EHF: variants seen among roughly 807,000 people sequenced by gnomAD.
EHF encodes the protein ETS homologous factor.
EHF carries 14 observed loss-of-function variants against 45.1 expected under a neutral mutation model. That is an observed-to-expected ratio of 0.31 (90% CI 0.21 to 0.49). The LOEUF (loss-of-function observed/expected upper bound fraction) is 0.49. EHF is among the 20% of genes least tolerant of loss of function. The probability of loss-of-function intolerance (pLI) is 0.99; values close to 1 mark genes in which losing one functional copy is unlikely to be tolerated. For missense variants in EHF, 282 were observed against 371.4 expected (o/e 0.76, Z 1.98); for synonymous variants, 136 against 131.8 (o/e 1.03, Z -0.22).
intron 1 of EHF, chr11:34,642,425 C>A: frequency 2.0e-6 from 1 of 493,588 alleles, no homozygotes. Flanking sequence ...AAACTTGCCT[C>A]ATGCATATGA....
At chr11:34,642,515 G>A in intron 1 of EHF, 113 bp from the exon 2 acceptor site, 1 of 691,126 alleles carries the variant, frequency 1.4e-6, no homozygotes, top group African/African-American at 1.8e-5. Flanking sequence ...CAGGCAATGG[G>A]TGGAAGGACA....
intron 1 of EHF, among the ~76,000 whole-genome samples, chr11:34,630,401 T>A (rs1317460666): frequency 6.6e-6 from 1 of 152,232 alleles, no homozygotes; most frequent in East Asian, 1.9e-4. Flanking sequence ...ATTCATGTAA[T>A]GACTAGTTCT....
At chr11:34,632,814 C>A (rs149321956) in intron 1 of EHF, among the ~76,000 whole-genome samples, 2 of 151,972 alleles carry the variant, frequency 1.3e-5, no homozygotes, top group Non-Finnish European at 2.9e-5. Flanking sequence ...GGTAGGGCAG[C>A]GTCTATGTTT....
chr11:34,649,861 C>T (rs923622800), intron 4 of EHF, among the ~76,000 whole-genome samples: 9 of 152,208 alleles, frequency 5.9e-5, no homozygotes, highest in African/African-American at 2.2e-4. Context: ...GTCCCAGTCA[C>T]CAAGGACAGA....
intron 1 of EHF, among the ~76,000 whole-genome samples, chr11:34,625,890 G>T (rs1339976775): frequency 6.6e-6 from 1 of 151,566 alleles, no homozygotes; most frequent in Non-Finnish European, 1.5e-5. Context: ...TGTTTTTTTA[G>T]CATCTTAGTT....
At chr11:34,649,457 C>T (rs1168865920) in intron 4 of EHF, among the ~76,000 whole-genome samples, 1 of 152,140 alleles carries the variant, frequency 6.6e-6, no homozygotes. Context: ...AATGTCTCCT[C>T]TTCTCTCCCT....
chr11:34,660,350 T>C lies in EHF; in HGVS notation c.*1419T>C, dbSNP rs980782971. The C allele has an allele frequency of 5.9e-5, 9 of 152,286 alleles. No homozygotes were observed. Among genetic ancestry groups the C allele is most frequent in the South Asian group, 2.1e-4 (1 of 4,820 alleles). 9.4% of individuals were successfully genotyped at this position (152,286 alleles called of 1,614,324 possible). A position where few individuals can be genotyped will look rare whatever the true frequency, so the allele number is the denominator to read the frequency against. ...TTGCAGGTATTAATTCTTATAATTT[T>C]TTGTCTTTTGGATTATCTGTTTACT... is the stretch of plus-strand genomic sequence containing the variant. On this transcript the variant is annotated 3_prime_UTR_variant, in exon 9 of 9. Coordinates refer to ENST00000257831, the MANE Select transcript of EHF (RefSeq NM_012153.6).
intron 1 of EHF, among the ~76,000 whole-genome samples, chr11:34,627,475 A>G (rs1207644510): frequency 1.3e-5 from 2 of 152,068 alleles, no homozygotes; most frequent in Non-Finnish European, 2.9e-5. Context: ...ATTCTTGATC[A>G]TGTCTCCAGA....
chr11:34,658,678 A>G lies in EHF; in HGVS notation c.753A>G (p.Lys251=). ...AGGCAGTGGCTCAGCTATGGGGTAA[A>G]AAGAAGAACAACAGCAGCATGACCT... The part of the protein sequence containing the change: ...KSEAVAQLWG[K]KKNNSSMTYE... Residue 251 remains lysine, a synonymous_variant, in exon 8 of 9, where the codon AAA becomes AAG. Coordinates refer to ENST00000257831, the MANE Select transcript of EHF (RefSeq NM_012153.6). 3 of 1,613,776 alleles carry G rather than the reference A, an allele frequency of 1.9e-6. No homozygotes were observed. Among genetic ancestry groups the G allele is most frequent in the Non-Finnish European group, 2.5e-6 (3 of 1,179,786 alleles).
chr11:34,660,401 A>G lies in EHF; in HGVS notation c.*1470A>G, dbSNP rs1215247830. Reference sequence around the variant, plus strand: ...GTCTCATCTGAACTGATCCCAGGTGAACGGTTTATTGCCTAGATTTGTACT... The same window carrying G: ...GTCTCATCTGAACTGATCCCAGGTGGACGGTTTATTGCCTAGATTTGTACT... On this transcript the variant is annotated 3_prime_UTR_variant, in exon 9 of 9. Transcript: ENST00000257831. The G allele has an allele frequency of 6.6e-6, 1 of 152,120 alleles. No individual in the cohort carries two copies. The highest frequency in any genetic ancestry group is 2.4e-5 in the African/African-American group (1 of 41,428). 9.4% of individuals were successfully genotyped at this position (152,120 alleles called of 1,614,324 possible).
At position 34,662,845 on chromosome 11, in the gene EHF, G is replaced by A. The variant is rs1268132875; in HGVS notation, c.*3914G>A. On this transcript the variant is annotated 3_prime_UTR_variant, in exon 9 of 9. Transcript: ENST00000257831. ...ATAGATCTCGGTAGTTACGTATTGG[G>A]CAGATACTTACTGTATGAATGAAAG... 6.6e-6 allele frequency among the ~76,000 whole-genome samples: 1 copy of A among 152,014 alleles called. No individual in the cohort carries two copies. Among genetic ancestry groups the A allele is most frequent in the Admixed American group, 6.6e-5 (1 of 15,234 alleles).
intron 1 of EHF, among the ~76,000 whole-genome samples, chr11:34,627,713 G>A (rs1852499058): frequency 6.6e-6 from 1 of 152,210 alleles, no homozygotes; most frequent in East Asian, 1.9e-4. Context: ...TGGGGTCCAA[G>A]GGTAAATTCA....
chr11:34,629,073 A>G (rs1852637866), intron 1 of EHF, among the ~76,000 whole-genome samples: 1 of 152,168 alleles, frequency 6.6e-6, no homozygotes, highest in African/African-American at 2.4e-5. Context: ...TGCTGCGGAG[A>G]GCCCTCTCCT....
chr11:34,632,721 C>T (rs1289955262), intron 1 of EHF: 1 of 1,511,266 alleles, frequency 6.6e-7, no homozygotes, highest in Non-Finnish European at 8.9e-7. Flanking sequence ...CCATTCACAA[C>T]AGGAGGTGGG....
Position 34,661,825 on chromosome 11 carries a change from C to G in EHF, c.*2894C>G, listed in dbSNP as rs1191811617. ...TCACTAAACATGTTATCCTTAAACCCCCCGTATGCCTGAGTTGAAAGGGCT... is the reference window on the plus strand; with the variant it reads ...TCACTAAACATGTTATCCTTAAACCGCCCGTATGCCTGAGTTGAAAGGGCT... On this transcript the variant is annotated 3_prime_UTR_variant, in exon 9 of 9. Coordinates refer to ENST00000257831, the MANE Select transcript of EHF (RefSeq NM_012153.6). Among the ~76,000 whole-genome samples, 1 of 152,090 alleles carries G rather than the reference C, an allele frequency of 6.6e-6. No individual in the cohort carries two copies. Among genetic ancestry groups the G allele is most frequent in the Non-Finnish European group, 1.5e-5 (1 of 68,000 alleles).
At chr11:34,636,708 C>A (rs1444700029) in intron 1 of EHF, among the ~76,000 whole-genome samples, 1 of 152,168 alleles carries the variant, frequency 6.6e-6, no homozygotes, top group Admixed American at 6.5e-5. Flanking sequence ...GAATCATGAG[C>A]CCTTATTCTT....
intron 4 of EHF, among the ~76,000 whole-genome samples, chr11:34,650,023 T>C (rs534085775): frequency 4.8e-4 from 73 of 152,370 alleles, no homozygotes; most frequent in Non-Finnish European, 8.4e-4. Flanking sequence ...CCTGCCTTTC[T>C]CTTCAGAGGC....
intron 1 of EHF, among the ~76,000 whole-genome samples, chr11:34,629,127 T>C (rs962502045): frequency 6.6e-6 from 1 of 152,186 alleles, no homozygotes; most frequent in African/African-American, 2.4e-5. Flanking sequence ...TGGAAAGCTA[T>C]GGCCTGTTGA....
At chr11:34,624,511 A>G (rs1421812011) in intron 1 of EHF, among the ~76,000 whole-genome samples, 1 of 152,236 alleles carries the variant, frequency 6.6e-6, no homozygotes, top group Non-Finnish European at 1.5e-5. Context: ...TAAAGAGCAA[A>G]CAATCTTGCT....
Sources: allele counts gnomAD v4.1 joint callset (sites outside exome capture counted in the v4.1 genomes callset), GRCh38; gene constraint gnomAD v4.1.1; transcripts MANE v1.5; gene names NCBI Gene and HGNC (gene_info 2026-07-23, HGNC 2026-07-21).